The following WDR49 variants were observed in gnomAD, a reference collection of about 807,000 sequenced individuals.
The protein encoded by WDR49 is cilia- and flagella-associated protein 337.
A neutral mutation model predicts 119.5 loss-of-function variants in WDR49; 107 were observed. That is an observed-to-expected ratio of 0.90 (90% CI 0.77 to 1.05). The LOEUF is 1.05. WDR49 is among the 50% of genes least tolerant of loss of function. The pLI, the probability that WDR49 is intolerant of heterozygous loss-of-function variation, is 0.00. For missense variants in WDR49, 1,240 were observed against 1,220.5 expected, an observed-to-expected ratio of 1.02 and a Z score of -0.24; for synonymous variants, 425 against 418.8, an observed-to-expected ratio of 1.01 and a Z score of -0.18.
At chr3:167,539,878 GT>G (rs369126179) in intron 10 of WDR49, among the ~76,000 whole-genome samples, 1 of 152,060 alleles carries the variant, frequency 6.6e-6, no homozygotes, top group South Asian at 2.1e-4. Flanking sequence ...CAAATACTTT[GT>G]TTTTTTCCTT....
intron 5 of WDR49, among the ~76,000 whole-genome samples, chr3:167,609,715 A>G (rs1258073743): frequency 2.0e-5 from 3 of 152,186 alleles, no homozygotes; most frequent in Non-Finnish European, 4.4e-5. Context: ...CAGCTGGTGC[A>G]GCCAAGGGAG....
At chr3:167,570,872 C>T (rs530818472) in intron 8 of WDR49, among the ~76,000 whole-genome samples, 1 of 152,112 alleles carries the variant, frequency 6.6e-6, no homozygotes, top group South Asian at 2.1e-4. Flanking sequence ...CATGTCTCTA[C>T]TAAAAACGTG....
intron 2 of WDR49, among the ~76,000 whole-genome samples, chr3:167,629,325 T>C (rs983279190): frequency 6.6e-6 from 1 of 152,060 alleles, no homozygotes; most frequent in Non-Finnish European, 1.5e-5. Flanking sequence ...TGAATATACA[T>C]GGTTTACTGA....
At chr3:167,485,314 A>T (rs1330046983) in intron 18 of WDR49, among the ~76,000 whole-genome samples, 1 of 152,124 alleles carries the variant, frequency 6.6e-6, no homozygotes, top group Non-Finnish European at 1.5e-5. Flanking sequence ...TACCTATGTA[A>T]AAAACCTTCA....
chr3:167,655,007 T>G (rs1718552305), upstream of WDR49, among the ~76,000 whole-genome samples: 1 of 152,122 alleles, frequency 6.6e-6, no homozygotes, highest in African/African-American at 2.4e-5. Context: ...TGTATTAGTC[T>G]GTTTTCACAC....
At chr3:167,610,632 A>G (rs1716296002) in intron 5 of WDR49, among the ~76,000 whole-genome samples, 1 of 152,224 alleles carries the variant, frequency 6.6e-6, no homozygotes, top group African/African-American at 2.4e-5. Flanking sequence ...AAAGGCAAAG[A>G]CACAGGCCTG....
chr3:167,493,395 C>A (rs1391403748), intron 18 of WDR49, among the ~76,000 whole-genome samples: 1 of 152,136 alleles, frequency 6.6e-6, no homozygotes, highest in African/African-American at 2.4e-5. Context: ...CTTCCCTGTA[C>A]CCTCTTATTG....
chr3:167,509,943 T>C (rs116063952), intron 16 of WDR49, among the ~76,000 whole-genome samples: 38,905 of 151,982 alleles, frequency 0.26, 5,059 homozygotes, highest in South Asian at 0.3. Flanking sequence ...AAGTCACAGT[T>C]ATTTTTATAA....
At chr3:167,481,952 C>T (rs1156822524) in intron 18 of WDR49, among the ~76,000 whole-genome samples, 1 of 152,056 alleles carries the variant, frequency 6.6e-6, no homozygotes, top group Admixed American at 6.5e-5. Flanking sequence ...AGAAAGAAAA[C>T]CAAAGTATAA....
At chr3:167,550,569 A>G (rs900376653) in intron 10 of WDR49, among the ~76,000 whole-genome samples, 3 of 152,072 alleles carry the variant, frequency 2.0e-5, no homozygotes, top group African/African-American at 7.2e-5. Context: ...AGCAATAAAT[A>G]TATACGGTGA....
chr3:167,589,493 T>C (rs1168182730), intron 7 of WDR49, among the ~76,000 whole-genome samples: 2 of 152,160 alleles, frequency 1.3e-5, no homozygotes, highest in African/African-American at 2.4e-5. Flanking sequence ...GGTATTTTGA[T>C]AGGGATTGCA....
chr3:167,509,158 T>C (rs1751875537), intron 16 of WDR49, among the ~76,000 whole-genome samples: 1 of 152,196 alleles, frequency 6.6e-6, no homozygotes, highest in African/African-American at 2.4e-5. Context: ...AGATAAGCAA[T>C]TTTTTAAATG....
At chr3:167,541,040 A>G (rs1320032651) in intron 10 of WDR49, among the ~76,000 whole-genome samples, 2 of 152,100 alleles carry the variant, frequency 1.3e-5, no homozygotes, top group Admixed American at 6.6e-5. Context: ...AGACTCCAAG[A>G]AATTTGAGAT....
At chr3:167,615,589 G>A (rs555020606) in intron 5 of WDR49, among the ~76,000 whole-genome samples, 1 of 151,750 alleles carries the variant, frequency 6.6e-6, no homozygotes, top group East Asian at 1.9e-4. Context: ...TTGCAAAATG[G>A]CTTTTTTTTG....
intron 10 of WDR49, among the ~76,000 whole-genome samples, chr3:167,545,585 A>G (rs1712138888): frequency 6.8e-6 from 1 of 147,988 alleles, no homozygotes; most frequent in South Asian, 2.1e-4. Context: ...GTTAGAGACC[A>G]TTATTCTAAG....
intron 18 of WDR49, among the ~76,000 whole-genome samples, chr3:167,491,937 T>C (rs1751149000): frequency 6.6e-6 from 1 of 152,138 alleles, no homozygotes; most frequent in African/African-American, 2.4e-5. Context: ...CTGGGGATTT[T>C]AAAGTGTTTG....
At chr3:167,587,468 A>G (rs925354576) in intron 7 of WDR49, among the ~76,000 whole-genome samples, 2 of 152,088 alleles carry the variant, frequency 1.3e-5, no homozygotes, top group African/African-American at 2.4e-5. Context: ...TACAAGCTGA[A>G]AAGACACTGA....
intron 10 of WDR49, among the ~76,000 whole-genome samples, chr3:167,542,012 T>G (rs1711870643): frequency 6.6e-6 from 1 of 151,760 alleles, no homozygotes; most frequent in South Asian, 2.1e-4. Context: ...CAACAGAGTG[T>G]GACCCCATGT....
chr3:167,525,149 T>C (rs138582431), intron 15 of WDR49, among the ~76,000 whole-genome samples: 264 of 152,200 alleles, frequency 1.7e-3, no homozygotes, highest in African/African-American at 6.2e-3. Context: ...TTCCTAGGTA[T>C]TTTATTTTCT....
Sources: gnomAD v4.1 joint callset for allele counts (sites outside exome capture counted in the v4.1 genomes callset) on GRCh38, gnomAD v4.1.1 for gene constraint, MANE v1.5 for transcripts, NCBI Gene and HGNC (gene_info 2026-07-23, HGNC 2026-07-21) for gene names.